SLC2A13: variants seen among roughly 807,000 people sequenced by gnomAD.
SLC2A13 encodes solute carrier family 2 member 13, also known as proton myo-inositol cotransporter.
SLC2A13 carries 32 observed loss-of-function variants against 64.4 expected under a neutral mutation model. The observed-to-expected ratio is 0.50, with a 90% CI of 0.37 to 0.67. The LOEUF (loss-of-function observed/expected upper bound fraction) is 0.67, where lower values mean the gene tolerates loss of function less well. Among genes scored for constraint, SLC2A13 ranks in the 30% least tolerant of loss-of-function variants. The probability of loss-of-function intolerance (pLI) is 0.00; values close to 1 mark genes in which losing one functional copy is unlikely to be tolerated. For missense variants in SLC2A13, 743 were observed against 829.2 expected (o/e 0.90, Z 1.28); for synonymous variants, 338 against 327.1 (o/e 1.03, Z -0.36).
At chr12:39,932,921 C>T (rs1306937722) in intron 4 of SLC2A13, among the ~76,000 whole-genome samples, 2 of 151,996 alleles carry the variant, frequency 1.3e-5, no homozygotes, top group African/African-American at 4.8e-5. Flanking sequence ...CAGGCACAGT[C>T]TGTGGACCAT....
At chr12:39,760,293 GA>G (rs1940087279) in intron 9 of SLC2A13, 41 bp from the exon 10 acceptor site, 1 of 1,532,558 alleles carries the variant, frequency 6.5e-7, no homozygotes, top group African/African-American at 1.4e-5. Flanking sequence ...TGAATATATA[GA>G]GAGAGGCTTA....
At chr12:40,045,975 T>C (rs1480267012) in intron 2 of SLC2A13, among the ~76,000 whole-genome samples, 1 of 152,214 alleles carries the variant, frequency 6.6e-6, no homozygotes, top group Non-Finnish European at 1.5e-5. Context: ...AGAATGTTGA[T>C]TTTCCTTCAG....
At chr12:39,838,786 A>T (rs1393239661) in intron 6 of SLC2A13, among the ~76,000 whole-genome samples, 1 of 152,078 alleles carries the variant, frequency 6.6e-6, no homozygotes, top group Non-Finnish European at 1.5e-5. Context: ...TTAATTTAGA[A>T]CATTTTTAGT....
intron 7 of SLC2A13, among the ~76,000 whole-genome samples, chr12:39,825,549 G>A (rs1198959356): frequency 6.6e-6 from 1 of 152,084 alleles, no homozygotes; most frequent in Non-Finnish European, 1.5e-5. Flanking sequence ...TTCGGAATTG[G>A]TTCTGGAAAG....
intron 1 of SLC2A13, among the ~76,000 whole-genome samples, chr12:40,079,818 C>T (rs914273286): frequency 6.6e-6 from 1 of 152,174 alleles, no homozygotes; most frequent in Admixed American, 6.5e-5. Flanking sequence ...ATAGTTAAGA[C>T]TGTTTATTTA....
At chr12:39,915,776 C>A (rs1193675476) in intron 4 of SLC2A13, among the ~76,000 whole-genome samples, 1 of 151,526 alleles carries the variant, frequency 6.6e-6, no homozygotes, top group Non-Finnish European at 1.5e-5. Context: ...CTGAGTAGTG[C>A]CAAATTTCAC....
At chr12:40,020,111 A>G (rs1450347712) in intron 3 of SLC2A13, among the ~76,000 whole-genome samples, 3 of 152,204 alleles carry the variant, frequency 2.0e-5, no homozygotes, top group Non-Finnish European at 4.4e-5. Context: ...TACAAATCCA[A>G]TTTAAAATAT....
At chr12:39,955,744 G>A (rs973873731) in intron 3 of SLC2A13, among the ~76,000 whole-genome samples, 2 of 152,092 alleles carry the variant, frequency 1.3e-5, no homozygotes, top group African/African-American at 4.8e-5. Flanking sequence ...ATCAGGAGGA[G>A]GCTGAGGAAG....
At chr12:39,948,271 G>A (rs1249601753) in intron 4 of SLC2A13, among the ~76,000 whole-genome samples, 4 of 151,944 alleles carry the variant, frequency 2.6e-5, no homozygotes, top group East Asian at 3.9e-4. Flanking sequence ...TCCTCCATTC[G>A]GTAGGGTAGA....
intron 6 of SLC2A13, among the ~76,000 whole-genome samples, chr12:39,862,771 A>G (rs923577843): frequency 6.6e-6 from 1 of 152,160 alleles, no homozygotes; most frequent in Non-Finnish European, 1.5e-5. Context: ...GTCATATTTT[A>G]ATACAAGTAT....
At chr12:40,052,533 A>C (rs141096239) in intron 1 of SLC2A13, among the ~76,000 whole-genome samples, 1 of 152,284 alleles carries the variant, frequency 6.6e-6, no homozygotes, top group African/African-American at 2.4e-5. Context: ...GGAGCCTGTA[A>C]CAAAGGGAGT....
intron 3 of SLC2A13, among the ~76,000 whole-genome samples, chr12:40,011,482 C>T (rs986911289): frequency 1.3e-5 from 2 of 152,288 alleles, no homozygotes; most frequent in African/African-American, 2.4e-5. Context: ...TCTTTTCCTT[C>T]AAGTTTTATT....
intron 7 of SLC2A13, among the ~76,000 whole-genome samples, chr12:39,827,240 A>C (rs1942721075): frequency 6.6e-6 from 1 of 152,106 alleles, no homozygotes; most frequent in Non-Finnish European, 1.5e-5. Context: ...TCACAAAGGC[A>C]GTGTGAAATG....
chr12:40,028,430 G>A lies in SLC2A13; in HGVS notation c.796C>T (p.Leu266Phe). The A allele has an allele frequency of 1.2e-6, 2 of 1,613,954 alleles. No homozygotes were observed. The highest frequency in any genetic ancestry group is 8.5e-7 in the Non-Finnish European group (1 of 1,179,980). The change falls in exon 3 of 10, where the codon CTT becomes TTT. Residue 266 changes from leucine to phenylalanine, a missense_variant. Transcript: ENST00000280871. ...FLFLPESPRW[L>F]IQKGQTQKAR... ...TTCTGAGTCTGTCCTTTCTGAATAAGCCATCGAGGGCTTTCAGGCAAAAAG... is the reference window on the plus strand; with the variant it reads ...TTCTGAGTCTGTCCTTTCTGAATAAACCATCGAGGGCTTTCAGGCAAAAAG...
chr12:39,766,245 G>A lies in SLC2A13; in HGVS notation c.1446-1387C>T, dbSNP rs564028316. ...GACCACGCCAATACAGGCATAGCTT[G>A]GAGATATTGCGAGGTCAGTTCCAGA... On this transcript the variant is annotated intron_variant, in intron 7 of 9. Coordinates refer to ENST00000280871, the MANE Select transcript of SLC2A13 (RefSeq NM_052885.4). Among the ~76,000 whole-genome samples the A allele has an allele frequency of 2.0e-5, 3 of 152,198 alleles. No homozygotes were observed. The South Asian group carries it at 6.2e-4, about 32-fold the overall frequency.
intron 4 of SLC2A13, among the ~76,000 whole-genome samples, chr12:39,888,991 G>A (rs148289178): frequency 7.9e-5 from 12 of 151,838 alleles, no homozygotes; most frequent in Admixed American, 5.2e-4. Context: ...AATACAAGTC[G>A]GGATTCAATA....
intron 2 of SLC2A13, among the ~76,000 whole-genome samples, chr12:40,036,929 T>C (rs1947997429): frequency 6.6e-6 from 1 of 152,198 alleles, no homozygotes; most frequent in African/African-American, 2.4e-5. Context: ...CTACTCTGGT[T>C]TCCTGAAAGG....
rs556891191 is a variant in SLC2A13, at chr12:39,875,437, T to G, written c.1035-3476A>C. ...AATAATCTCCCTAATTAAGGTAAAC[T>G]GATTAGCACATTTAATTCAGTCTGC... is the stretch of plus-strand genomic sequence containing the variant. On this transcript the variant is annotated intron_variant, in intron 4 of 9. Coordinates refer to ENST00000280871, the MANE Select transcript of SLC2A13 (RefSeq NM_052885.4). Among the ~76,000 whole-genome samples the G allele has an allele frequency of 2.6e-5, 4 of 152,234 alleles. No homozygotes were observed. In the East Asian group the frequency reaches 5.8e-4, roughly 22 times the overall value.
intron 1 of SLC2A13, among the ~76,000 whole-genome samples, chr12:40,048,686 T>C (rs1948205964): frequency 6.6e-6 from 1 of 152,198 alleles, no homozygotes; most frequent in African/African-American, 2.4e-5. Context: ...GGTTTACTAA[T>C]AAGAAATTCA....
Sources: gnomAD v4.1 joint callset for allele counts (sites outside exome capture counted in the v4.1 genomes callset) on GRCh38, gnomAD v4.1.1 for gene constraint, MANE v1.5 for transcripts, NCBI Gene and HGNC (gene_info 2026-07-23, HGNC 2026-07-21) for gene names.